ATRNL1: variants seen among roughly 807,000 people sequenced by gnomAD.
The protein encoded by ATRNL1 is attractin like 1, also known as attractin-like protein 1.
ATRNL1 carries 95 observed loss-of-function variants against 182.7 expected under a neutral mutation model. That is an observed-to-expected ratio of 0.52 (90% confidence interval 0.44 to 0.62). ATRNL1 has a LOEUF of 0.62. Among genes scored for constraint, ATRNL1 ranks in the 20% least tolerant of loss-of-function variants. ATRNL1 has a pLI of 0.00. For synonymous variants in ATRNL1, 576 were observed against 568.3 expected (o/e 1.01, Z -0.19); for missense variants, 1,471 against 1,679.5 (o/e 0.88, Z 2.17).
chr10:115,693,321 T>G (rs1466460685), intron 26 of ATRNL1, among the ~76,000 whole-genome samples: 12 of 152,260 alleles, frequency 7.9e-5, no homozygotes, highest in African/African-American at 2.4e-4. Flanking sequence ...AGATTCTAAG[T>G]GCATCACTAT....
chr10:115,215,064 CT>C (rs1431648200), intron 8 of ATRNL1, among the ~76,000 whole-genome samples: 2 of 152,190 alleles, frequency 1.3e-5, no homozygotes, highest in Non-Finnish European at 2.9e-5. Context: ...AATTGCCTTC[CT>C]GTTCCTGCTG....
At chr10:115,905,959 T>C (rs1201604853) in intron 28 of ATRNL1, among the ~76,000 whole-genome samples, 2 of 152,226 alleles carry the variant, frequency 1.3e-5, no homozygotes, top group Non-Finnish European at 2.9e-5. Context: ...GGGTGAACTG[T>C]TAAAACTCTT....
intron 28 of ATRNL1, among the ~76,000 whole-genome samples, chr10:115,865,631 A>G (rs1013283765): frequency 6.6e-6 from 1 of 152,172 alleles, no homozygotes; most frequent in African/African-American, 2.4e-5. Flanking sequence ...CCTATCTTAC[A>G]GGTAAAGAAA....
At chr10:115,256,722 G>T (rs1851157132) in intron 10 of ATRNL1, among the ~76,000 whole-genome samples, 2 of 152,054 alleles carry the variant, frequency 1.3e-5, no homozygotes, top group African/African-American at 4.8e-5. Flanking sequence ...TCTCTTATTT[G>T]TGATGTTGGG....
At chr10:115,111,425 T>G (rs537683082) in intron 1 of ATRNL1, among the ~76,000 whole-genome samples, 48 of 152,318 alleles carry the variant, frequency 3.2e-4, no homozygotes, top group African/African-American at 1.2e-3. Context: ...TTCTGCAGGA[T>G]GTACAAGAAG....
chr10:115,469,385 G>C (rs1340215617), intron 24 of ATRNL1, 56 bp downstream of exon 24: 1 of 1,177,080 alleles, frequency 8.5e-7, no homozygotes, highest in Non-Finnish European at 1.2e-6. Context: ...GAAAAGAATG[G>C]TGCTTTTGTC....
intron 26 of ATRNL1, among the ~76,000 whole-genome samples, chr10:115,700,874 C>T (rs1033296226): frequency 1.3e-5 from 2 of 152,018 alleles, no homozygotes; most frequent in Admixed American, 6.6e-5. Flanking sequence ...TGCAACACCC[C>T]ACTAACAGCA....
intron 21 of ATRNL1, among the ~76,000 whole-genome samples, chr10:115,437,033 G>T (rs1254985878): frequency 2.0e-5 from 3 of 152,014 alleles, no homozygotes; most frequent in Non-Finnish European, 4.4e-5. Flanking sequence ...TGTGGGATAG[G>T]GAGTAGGTGA....
chr10:115,765,625 T>C (rs1286874759), intron 27 of ATRNL1, among the ~76,000 whole-genome samples: 34 of 152,232 alleles, frequency 2.2e-4, no homozygotes, highest in Admixed American at 2.2e-3. Flanking sequence ...TCACAGAGCA[T>C]AAGTCTTCAA....
intron 13 of ATRNL1, among the ~76,000 whole-genome samples, chr10:115,280,867 G>A (rs904738603): frequency 2.0e-5 from 3 of 152,144 alleles, no homozygotes; most frequent in Non-Finnish European, 4.4e-5. Context: ...CTATTATTAC[G>A]GGCGTAGGCC....
intron 8 of ATRNL1, among the ~76,000 whole-genome samples, chr10:115,213,588 T>TC (rs1192762167): frequency 6.6e-6 from 1 of 152,158 alleles, no homozygotes; most frequent in Non-Finnish European, 1.5e-5. Flanking sequence ...TTAGATTTTT[T>TC]CTTTGGTTGT....
At chr10:115,176,686 G>A (rs909026426) in intron 8 of ATRNL1, among the ~76,000 whole-genome samples, 2 of 152,052 alleles carry the variant, frequency 1.3e-5, no homozygotes, top group African/African-American at 4.8e-5. Flanking sequence ...TTGGGGCAAA[G>A]GTGTTTTAAC....
intron 26 of ATRNL1, among the ~76,000 whole-genome samples, chr10:115,707,912 A>G (rs564120192): frequency 6.6e-6 from 1 of 151,818 alleles, no homozygotes; most frequent in South Asian, 2.1e-4. Context: ...CTGTTGGCAA[A>G]TAGCTTTCCA....
At chr10:115,547,264 ATAT>A (rs1356098619) in intron 25 of ATRNL1, among the ~76,000 whole-genome samples, 1,622 of 103,032 alleles carry the variant, frequency 0.016, 27 homozygotes, top group African/African-American at 0.062. Flanking sequence ...CAAAAAAAAA[ATAT>A]ATATATATAT....
chr10:115,924,717 G>A (rs1474827357), intron 28 of ATRNL1, among the ~76,000 whole-genome samples: 2 of 152,172 alleles, frequency 1.3e-5, no homozygotes, highest in Non-Finnish European at 2.9e-5. Flanking sequence ...GCTTAGGATT[G>A]TCTTGGCTCT....
At chr10:115,756,289 T>C (rs1010852891) in intron 27 of ATRNL1, among the ~76,000 whole-genome samples, 6 of 152,178 alleles carry the variant, frequency 3.9e-5, no homozygotes, top group African/African-American at 1.4e-4. Context: ...CTGCTTTCTC[T>C]TGTGGGTATT....
At chr10:115,557,858 A>G (rs781813985) in intron 26 of ATRNL1, among the ~76,000 whole-genome samples, 18 of 152,096 alleles carry the variant, frequency 1.2e-4, no homozygotes, top group Non-Finnish European at 2.4e-4. Flanking sequence ...CATCCTGGCG[A>G]ACATGGTGAA....
intron 28 of ATRNL1, among the ~76,000 whole-genome samples, chr10:115,887,600 T>C (rs534748164): frequency 7.4e-4 from 113 of 152,120 alleles, no homozygotes; most frequent in Admixed American, 1.8e-3. Context: ...TTTCACTACG[T>C]GAATTTAGGG....
chr10:115,845,904 A>G (rs782580570), intron 27 of ATRNL1, among the ~76,000 whole-genome samples: 22 of 151,996 alleles, frequency 1.4e-4, no homozygotes, highest in Non-Finnish European at 2.8e-4. Flanking sequence ...ATTGACCTTT[A>G]CATATTGTTT....
Sources: allele counts gnomAD v4.1 joint callset (sites outside exome capture counted in the v4.1 genomes callset), GRCh38; gene constraint gnomAD v4.1.1; transcripts MANE v1.5; gene names NCBI Gene and HGNC (gene_info 2026-07-23, HGNC 2026-07-21).